The following EYA4 variants were observed in gnomAD, a reference collection of about 807,000 sequenced individuals.
EYA4 encodes protein phosphatase EYA4.
Under a neutral mutation model 87.9 loss-of-function variants are expected in EYA4, and 31 were observed. The ratio of observed to expected loss-of-function variants is 0.35; its 90% confidence interval spans 0.27 to 0.48. The LOEUF (loss-of-function observed/expected upper bound fraction) is 0.48. Ranked by LOEUF, EYA4 falls within the 20% of genes least tolerant of loss-of-function variation. The pLI is 0.99. For missense variants in EYA4, 678 were observed against 761.4 expected (o/e 0.89, Z 1.29); for synonymous variants, 263 against 270.6 (o/e 0.97, Z 0.28).
At chr6:133,243,089 C>CGTGTGT (rs3065226) in intron 1 of EYA4, among the ~76,000 whole-genome samples, 16,259 of 145,374 alleles carry the variant, frequency 0.11, 1,021 homozygotes, top group African/African-American at 0.15. Flanking sequence ...GGAGCAACTT[C>CGTGTGT]GTGTGTGTGT....
chr6:133,482,522 T>C (rs1198845764), intron 12 of EYA4, among the ~76,000 whole-genome samples: 1 of 152,206 alleles, frequency 6.6e-6, no homozygotes, highest in African/African-American at 2.4e-5. Flanking sequence ...AGTTCTCAAA[T>C]GTTAATTCAT....
chr6:133,506,070 A>G (rs1194956264), intron 13 of EYA4, 36 bp from the exon 14 acceptor site: 3 of 1,254,800 alleles, frequency 2.4e-6, no homozygotes, highest in Non-Finnish European at 3.5e-6. Flanking sequence ...GCGCTTACTG[A>G]AATTTTACCT....
intron 2 of EYA4, among the ~76,000 whole-genome samples, chr6:133,336,736 T>C (rs1028979350): frequency 6.6e-6 from 1 of 152,214 alleles, no homozygotes. Context: ...ATATGCAACT[T>C]ATTTCCAAAC....
intron 3 of EYA4, among the ~76,000 whole-genome samples, chr6:133,441,090 T>G (rs1792234300): frequency 6.6e-6 from 1 of 152,144 alleles, no homozygotes; most frequent in Non-Finnish European, 1.5e-5. Flanking sequence ...TATTCCAATA[T>G]TATTCTGTAT....
intron 1 of EYA4, among the ~76,000 whole-genome samples, chr6:133,268,688 C>T (rs1776433569): frequency 6.6e-6 from 1 of 152,052 alleles, no homozygotes; most frequent in South Asian, 2.1e-4. Context: ...GGACAGTTCA[C>T]AGGACCAAGG....
chr6:133,530,321 T>A lies in EYA4; in HGVS notation c.*1516T>A, dbSNP rs1800934637. 1 of 985,336 alleles carries A rather than the reference T, an allele frequency of 1.0e-6. No homozygotes were observed. Among genetic ancestry groups the A allele is most frequent in the Non-Finnish European group, 1.2e-6 (1 of 829,940 alleles). The allele number at this position is 985,336 out of a possible 1,614,324, so 61.0% of individuals were successfully genotyped here. On this transcript the variant is annotated 3_prime_UTR_variant, in exon 20 of 20. Transcript: ENST00000355286. ...CATTCATTACAAGAAGAGCCCATCA[T>A]CGTTGTGTTTGCATGGTTTTTTTCC...
intron 3 of EYA4, among the ~76,000 whole-genome samples, chr6:133,387,591 A>G (rs965011271): frequency 3.3e-5 from 5 of 152,210 alleles, no homozygotes; most frequent in African/African-American, 1.2e-4. Flanking sequence ...TTGACTAATG[A>G]ACCCAGGAAA....
At chr6:133,496,378 A>T (rs1411873613) in intron 13 of EYA4, among the ~76,000 whole-genome samples, 1 of 152,184 alleles carries the variant, frequency 6.6e-6, no homozygotes, top group Admixed American at 6.5e-5. Flanking sequence ...TTAGCCAGAG[A>T]TTCCTCTACA....
intron 11 of EYA4, among the ~76,000 whole-genome samples, chr6:133,476,209 G>A (rs752156122): frequency 6.6e-6 from 1 of 152,010 alleles, no homozygotes; most frequent in Non-Finnish European, 1.5e-5. Flanking sequence ...TGGCTAAATT[G>A]AGCTGATTAA....
chr6:133,326,881 C>T (rs1781541068), intron 2 of EYA4, among the ~76,000 whole-genome samples: 1 of 152,024 alleles, frequency 6.6e-6, no homozygotes, highest in African/African-American at 2.4e-5. Context: ...CGTTACTAGG[C>T]TCTCAGAACT....
intron 7 of EYA4, 92 bp downstream of exon 7, chr6:133,461,272 A>G: frequency 3.3e-6 from 3 of 908,042 alleles, no homozygotes; most frequent in East Asian, 2.5e-5. Context: ...GATAGATTAC[A>G]TATATAGATA....
chr6:133,416,709 C>T (rs1364628527), intron 3 of EYA4, among the ~76,000 whole-genome samples: 1 of 152,164 alleles, frequency 6.6e-6, no homozygotes, highest in African/African-American at 2.4e-5. Flanking sequence ...AGAATAGAGG[C>T]CCCAAATGTA....
intron 2 of EYA4, among the ~76,000 whole-genome samples, chr6:133,320,377 A>G (rs1349986728): frequency 6.6e-6 from 1 of 152,074 alleles, no homozygotes; most frequent in Non-Finnish European, 1.5e-5. Flanking sequence ...ATAAATGCTC[A>G]CTGAATAATT....
chr6:133,371,579 G>A (rs1013062083), intron 2 of EYA4, among the ~76,000 whole-genome samples: 6 of 152,112 alleles, frequency 3.9e-5, no homozygotes, highest in African/African-American at 1.4e-4. Flanking sequence ...GGACAGAGAG[G>A]CCAATTTTTT....
intron 2 of EYA4, among the ~76,000 whole-genome samples, chr6:133,381,467 C>T (rs1786212755): frequency 6.6e-6 from 1 of 152,094 alleles, no homozygotes; most frequent in African/African-American, 2.4e-5. Flanking sequence ...TCACATTGCA[C>T]ACATGTTCCT....
chr6:133,528,310 T>G (rs1336916269), intron 19 of EYA4, among the ~76,000 whole-genome samples: 1 of 152,144 alleles, frequency 6.6e-6, no homozygotes, highest in African/African-American at 2.4e-5. Flanking sequence ...TTAAGAAGTT[T>G]GTCATTTTGT....
At chr6:133,454,505 C>G (rs942086804) in intron 5 of EYA4, among the ~76,000 whole-genome samples, 1 of 152,126 alleles carries the variant, frequency 6.6e-6, no homozygotes, top group South Asian at 2.1e-4. Flanking sequence ...CTCTTACAAG[C>G]TTTGTGACTG....
intron 2 of EYA4, among the ~76,000 whole-genome samples, chr6:133,335,856 A>C (rs375741517): frequency 1.4e-4 from 22 of 152,174 alleles, no homozygotes; most frequent in East Asian, 9.6e-4. Context: ...TCCCTAGAGC[A>C]ATAGGAAAGC....
At chr6:133,273,214 A>G (rs2327321) in intron 1 of EYA4, among the ~76,000 whole-genome samples, 41,230 of 151,186 alleles carry the variant, frequency 0.27, 6,287 homozygotes, top group East Asian at 0.49. Context: ...CGATTCCCCA[A>G]ACTGAAGCAC....
Sources: gnomAD v4.1 joint callset for allele counts (sites outside exome capture counted in the v4.1 genomes callset) on GRCh38, gnomAD v4.1.1 for gene constraint, MANE v1.5 for transcripts, NCBI Gene and HGNC (gene_info 2026-07-23, HGNC 2026-07-21) for gene names.